The following ZCCHC7 variants were observed in gnomAD, a reference collection of about 807,000 sequenced individuals.
ZCCHC7 encodes zinc finger CCHC-type containing 7, also known as zinc finger CCHC domain-containing protein 7.
ZCCHC7 carries 35 observed loss-of-function variants against 52.0 expected under a neutral mutation model. The observed-to-expected ratio is 0.67, with a 90% CI of 0.51 to 0.89. ZCCHC7 has a LOEUF of 0.89. Ranked by LOEUF, ZCCHC7 falls within the 40% of genes least tolerant of loss-of-function variation. The pLI, the probability that ZCCHC7 is intolerant of heterozygous loss-of-function variation, is 0.00. For synonymous variants in ZCCHC7, 217 were observed against 221.5 expected (o/e 0.98, Z 0.18); for missense variants, 574 against 649.1 (o/e 0.88, Z 1.26).
At chr9:37,147,507 A>G (rs1488929387) in intron 2 of ZCCHC7, 1 of 151,890 alleles carries the variant, frequency 6.6e-6, no homozygotes, top group Non-Finnish European at 1.5e-5. Flanking sequence ...AACAAATCCC[A>G]AGAAAATAAA....
At chr9:37,189,461 ACTGCAACCTCT>A (rs1305816505) in intron 2 of ZCCHC7, among the ~76,000 whole-genome samples, 1 of 152,158 alleles carries the variant, frequency 6.6e-6, no homozygotes. Flanking sequence ...GTCTCGGCTC[ACTGCAACCTCT>A]GCTTCCTGGG....
At chr9:37,190,316 A>G (rs1339907961) in intron 2 of ZCCHC7, among the ~76,000 whole-genome samples, 1 of 151,394 alleles carries the variant, frequency 6.6e-6, no homozygotes, top group Non-Finnish European at 1.5e-5. Flanking sequence ...AATTTTCTTC[A>G]TTCTATCTAA....
At chr9:37,177,686 T>C (rs966910995) in intron 2 of ZCCHC7, among the ~76,000 whole-genome samples, 1 of 152,190 alleles carries the variant, frequency 6.6e-6, no homozygotes, top group African/African-American at 2.4e-5. Context: ...ATTGATAGGA[T>C]ATACTCTTGA....
At position 37,210,927 on chromosome 9, in the gene ZCCHC7, GTC is replaced by G. The variant is rs1389717238; in HGVS notation, c.610+83989_610+83990del. Among the ~76,000 whole-genome samples, 6 of 152,250 alleles carry G rather than the reference GTC, an allele frequency of 3.9e-5. No individual in the cohort carries two copies. The East Asian group carries it at 1.2e-3, about 29-fold the overall frequency. On this transcript the variant is annotated intron_variant, in intron 2 of 8. Transcript: ENST00000336755. ...GATTAGTCTCTATGTCTTTCAGTCT[GTC>G]TCTGCCTCTTTCTCCTGTACACATA...
At chr9:37,345,875 G>A (rs1820932593) in intron 6 of ZCCHC7, among the ~76,000 whole-genome samples, 1 of 152,186 alleles carries the variant, frequency 6.6e-6, no homozygotes, top group African/African-American at 2.4e-5. Flanking sequence ...GCTTTCAGTA[G>A]GAAAGATTAT....
chr9:37,230,702 G>T (rs1464834451), intron 2 of ZCCHC7, among the ~76,000 whole-genome samples: 2 of 152,084 alleles, frequency 1.3e-5, no homozygotes, highest in Non-Finnish European at 2.9e-5. Context: ...CGATATTGCA[G>T]ATCCTAGAAC....
chr9:37,354,658 G>A lies in ZCCHC7; in HGVS notation c.1084-52G>A. 1 of 1,359,132 alleles carries A rather than the reference G, an allele frequency of 7.4e-7. No individual in the cohort carries two copies. Among genetic ancestry groups the A allele is most frequent in the South Asian group, 1.2e-5 (1 of 81,660 alleles). 84.2% of individuals were successfully genotyped at this position (1,359,132 alleles called of 1,614,324 possible). A position where few individuals can be genotyped will look rare whatever the true frequency, so the allele number is the denominator to read the frequency against. On this transcript the variant is annotated intron_variant, in intron 7 of 8. Transcript: ENST00000336755. This position sits in a 1 kb window ranked among gnomAD's most constrained non-coding sequence, Gnocchi z 4.0. ...ACATGCTCCAGAATCTTGCAAAAAG[G>A]TTTTTGAACAGTGTGACCATGTGAC...
intron 2 of ZCCHC7, among the ~76,000 whole-genome samples, chr9:37,147,600 G>A (rs1843491283): frequency 6.6e-6 from 1 of 151,792 alleles, no homozygotes. Context: ...TATATTCAGA[G>A]CTTTAACATT....
chr9:37,195,100 C>T (rs1823222536), intron 2 of ZCCHC7, among the ~76,000 whole-genome samples: 1 of 151,954 alleles, frequency 6.6e-6, no homozygotes. Flanking sequence ...GCGTGCACCA[C>T]CACACCTGGC....
At chr9:37,238,194 A>G (rs1198025674) in intron 2 of ZCCHC7, among the ~76,000 whole-genome samples, 1 of 152,176 alleles carries the variant, frequency 6.6e-6, no homozygotes, top group Non-Finnish European at 1.5e-5. Flanking sequence ...GTCAGTACTG[A>G]TTCTCTATCC....
At chr9:37,182,402 A>G (rs1822409649) in intron 2 of ZCCHC7, among the ~76,000 whole-genome samples, 1 of 138,842 alleles carries the variant, frequency 7.2e-6, no homozygotes, top group Non-Finnish European at 1.5e-5. Context: ...CCTAGGCTGG[A>G]TGTAGTTTCG....
intron 2 of ZCCHC7, among the ~76,000 whole-genome samples, chr9:37,291,026 G>T (rs1477948717): frequency 6.6e-6 from 1 of 152,182 alleles, no homozygotes; most frequent in African/African-American, 2.4e-5. Context: ...TTATTGTGCT[G>T]CCTAAAGTAT....
intron 2 of ZCCHC7, among the ~76,000 whole-genome samples, chr9:37,199,180 T>A (rs1446068181): frequency 6.6e-6 from 1 of 152,298 alleles, no homozygotes; most frequent in Non-Finnish European, 1.5e-5. Context: ...CCACTTTGTT[T>A]TCCTGTTTAA....
intron 2 of ZCCHC7, among the ~76,000 whole-genome samples, chr9:37,184,498 C>T (rs1383010158): frequency 2.0e-5 from 3 of 152,022 alleles, no homozygotes; most frequent in East Asian, 1.9e-4. Context: ...TTCCTGCTCT[C>T]CTGATCTCTT....
At chr9:37,164,510 A>G (rs1423608683) in intron 2 of ZCCHC7, among the ~76,000 whole-genome samples, 2 of 149,770 alleles carry the variant, frequency 1.3e-5, no homozygotes, top group East Asian at 3.9e-4. Flanking sequence ...GACAGACAAG[A>G]TAGATAGACT....
At chr9:37,133,293 T>TA (rs955811993) in intron 2 of ZCCHC7, among the ~76,000 whole-genome samples, 3 of 152,152 alleles carry the variant, frequency 2.0e-5, no homozygotes, top group African/African-American at 7.2e-5. Flanking sequence ...AAATAACTGT[T>TA]ATATTGTATT....
At chr9:37,142,254 AAG>A (rs1843262320) in intron 2 of ZCCHC7, among the ~76,000 whole-genome samples, 1 of 151,788 alleles carries the variant, frequency 6.6e-6, no homozygotes, top group Non-Finnish European at 1.5e-5. Context: ...ACATAGGGAA[AAG>A]AGTAATTTTG....
chr9:37,243,089 A>G (rs985178637), intron 2 of ZCCHC7, among the ~76,000 whole-genome samples: 20 of 151,828 alleles, frequency 1.3e-4, no homozygotes, highest in Admixed American at 1.2e-3. Flanking sequence ...TATGATTAAC[A>G]TTTAAGTTTT....
At chr9:37,182,428 G>A (rs147320568) in intron 2 of ZCCHC7, among the ~76,000 whole-genome samples, 7 of 150,870 alleles carry the variant, frequency 4.6e-5, no homozygotes, top group Middle Eastern at 3.4e-3. Flanking sequence ...TCACCTAGGC[G>A]ATCTTGGCTC....
Sources: allele counts gnomAD v4.1 joint callset (sites outside exome capture counted in the v4.1 genomes callset), GRCh38; gene constraint gnomAD v4.1.1; non-coding constraint Gnocchi (gnomAD v3.1); transcripts MANE v1.5; gene names NCBI Gene and HGNC (gene_info 2026-07-23, HGNC 2026-07-21).